Variants in SLC25A48 observed in about 807,000 individuals in gnomAD.
The protein encoded by SLC25A48 is CTC-321K16.1.
A neutral mutation model predicts 32.2 loss-of-function variants in SLC25A48; 29 were observed. The ratio of observed to expected loss-of-function variants is 0.90; its 90% CI spans 0.67 to 1.23. The LOEUF is 1.23. Among genes scored for constraint, SLC25A48 ranks in the 50% most tolerant of loss-of-function variants. The pLI, the probability that SLC25A48 is intolerant of heterozygous loss-of-function variation, is 0.00. For missense variants in SLC25A48, 399 were observed against 422.7 expected, an observed-to-expected ratio of 0.94 and a Z score of 0.49; for synonymous variants, 164 against 172.3, an observed-to-expected ratio of 0.95 and a Z score of 0.38.
intron 1 of SLC25A48, among the ~76,000 whole-genome samples, chr5:135,616,219 A>T (rs1056595053): frequency 3.9e-5 from 6 of 152,184 alleles, no homozygotes; most frequent in African/African-American, 1.4e-4. Context: ...GGGACTACCT[A>T]GTGGGGCTGT....
chr5:135,754,084 T>G (rs894991521), intron 3 of SLC25A48, among the ~76,000 whole-genome samples: 3 of 151,782 alleles, frequency 2.0e-5, no homozygotes, highest in Non-Finnish European at 2.9e-5. Context: ...ACACCCACTG[T>G]GACAGTGGCA....
chr5:135,582,297 T>G (rs1216958043), intron 1 of SLC25A48, among the ~76,000 whole-genome samples: 1 of 152,140 alleles, frequency 6.6e-6, no homozygotes, highest in African/African-American at 2.4e-5. Context: ...AAGGCAGCTG[T>G]GTGCCTGTCC....
rs145530745 is a variant in SLC25A48 at position 135,670,336 on chromosome 5, C to T, written c.-521+35380C>T. On this transcript the variant is annotated intron_variant, in intron 3 of 10. Transcript: ENST00000646290. ...TTCTGCAGAACATAGACAAATGATCCGTTGTGCAAGCTCTTTTCAGTTTTT... is the reference window on the plus strand; with the variant it reads ...TTCTGCAGAACATAGACAAATGATCTGTTGTGCAAGCTCTTTTCAGTTTTT... 2.2e-3 allele frequency among the ~76,000 whole-genome samples: 336 copies of T among 152,264 alleles called. 3 individuals are homozygous for T. Among genetic ancestry groups the T allele is most frequent in the African/African-American group, 7.6e-3 (315 of 41,544 alleles).
chr5:135,773,397 A>G (rs1756465819), intron 3 of SLC25A48, among the ~76,000 whole-genome samples: 1 of 149,696 alleles, frequency 6.7e-6, no homozygotes, highest in South Asian at 2.1e-4. Flanking sequence ...TGACAATATC[A>G]TAAAATCCAG....
intron 4 of SLC25A48, among the ~76,000 whole-genome samples, chr5:135,860,204 T>C (rs553561748): frequency 1.4e-4 from 21 of 152,366 alleles, no homozygotes; most frequent in African/African-American, 5.1e-4. Flanking sequence ...CTCACTGATC[T>C]AATTTTTGCA....
chr5:135,585,582 AG>A (rs1751344951), intron 1 of SLC25A48, among the ~76,000 whole-genome samples: 1 of 152,180 alleles, frequency 6.6e-6, no homozygotes, highest in South Asian at 2.1e-4. Context: ...GCTTGAGCAC[AG>A]GGCCGGGCAC....
At chr5:135,633,277 T>G (rs1752621095) in intron 2 of SLC25A48, among the ~76,000 whole-genome samples, 1 of 149,438 alleles carries the variant, frequency 6.7e-6, no homozygotes, top group African/African-American at 2.4e-5. Context: ...TCACAGACAT[T>G]GCTAGGGACT....
intron 3 of SLC25A48, among the ~76,000 whole-genome samples, chr5:135,684,767 T>C (rs1250305043): frequency 6.6e-6 from 1 of 152,204 alleles, no homozygotes; most frequent in African/African-American, 2.4e-5. Context: ...CTGCATAAAC[T>C]TCCTTATTCC....
chr5:135,623,537 G>T (rs1300698698), intron 1 of SLC25A48, among the ~76,000 whole-genome samples: 1 of 152,172 alleles, frequency 6.6e-6, no homozygotes, highest in Non-Finnish European at 1.5e-5. Flanking sequence ...GACTCCTCTT[G>T]TTGTTCAAAC....
intron 3 of SLC25A48, among the ~76,000 whole-genome samples, chr5:135,738,851 G>A (rs1755438943): frequency 6.6e-6 from 1 of 152,202 alleles, no homozygotes; most frequent in Admixed American, 6.5e-5. Context: ...GGAGGCCGAG[G>A]CAGGCGGATG....
intron 3 of SLC25A48, among the ~76,000 whole-genome samples, chr5:135,676,035 G>A (rs6882201): frequency 0.012 from 1,840 of 152,028 alleles, 33 homozygotes; most frequent in African/African-American, 0.039. Context: ...GAATGCTACT[G>A]ATTTTTGTAT....
intron 3 of SLC25A48, among the ~76,000 whole-genome samples, chr5:135,675,970 T>C (rs975634739): frequency 3.3e-5 from 5 of 152,000 alleles, no homozygotes; most frequent in Non-Finnish European, 1.5e-5. Context: ...GTAGCTATTA[T>C]AAATTGGATT....
At chr5:135,613,001 C>T (rs1266877569) in intron 1 of SLC25A48, among the ~76,000 whole-genome samples, 2 of 152,132 alleles carry the variant, frequency 1.3e-5, no homozygotes, top group Non-Finnish European at 2.9e-5. Context: ...CTTCATACTG[C>T]TTTCTATAGT....
chr5:135,809,788 T>A (rs1165260061), intron 3 of SLC25A48, among the ~76,000 whole-genome samples: 2 of 152,204 alleles, frequency 1.3e-5, no homozygotes, highest in African/African-American at 4.8e-5. Flanking sequence ...TTGAGATTCA[T>A]TTGTGCTGTT....
At chr5:135,656,273 G>A (rs557949469) in intron 3 of SLC25A48, among the ~76,000 whole-genome samples, 2 of 135,358 alleles carry the variant, frequency 1.5e-5, no homozygotes, top group South Asian at 2.1e-4. Context: ...GCCAGCACAC[G>A]GGAAGGTGTT....
intron 3 of SLC25A48, among the ~76,000 whole-genome samples, chr5:135,711,061 A>G (rs1754645061): frequency 6.6e-6 from 1 of 152,238 alleles, no homozygotes; most frequent in Admixed American, 6.5e-5. Context: ...CAGAGCCACA[A>G]AAATGGCCAA....
chr5:135,812,756 G>A (rs1372154435), exon 4 of SLC25A48: 1 of 152,350 alleles, frequency 6.6e-6, no homozygotes, highest in Admixed American at 6.5e-5. Flanking sequence ...CCCCAGAGCT[G>A]ACTTGGAAGC....
intron 3 of SLC25A48, among the ~76,000 whole-genome samples, chr5:135,774,345 G>A (rs1031380714): frequency 1.3e-5 from 2 of 151,380 alleles, no homozygotes; most frequent in Non-Finnish European, 3.0e-5. Flanking sequence ...CTCCCAATAT[G>A]TCGGGTGGTG....
chr5:135,701,472 C>A (rs1022896519), intron 3 of SLC25A48, among the ~76,000 whole-genome samples: 1 of 152,008 alleles, frequency 6.6e-6, no homozygotes, highest in Non-Finnish European at 1.5e-5. Context: ...ATAACTCCCC[C>A]CCGCCACCGG....
Sources: allele counts gnomAD v4.1 joint callset (sites outside exome capture counted in the v4.1 genomes callset), GRCh38; gene constraint gnomAD v4.1.1; transcripts MANE v1.5; gene names NCBI Gene and HGNC (gene_info 2026-07-23, HGNC 2026-07-21).